Variants in PUDP observed in about 807,000 individuals in gnomAD.
PUDP encodes the protein pseudouridine-5'-phosphatase.
PUDP carries 8 observed loss-of-function variants against 9.4 expected under a neutral mutation model. The observed-to-expected ratio is 0.85, with a 90% CI of 0.50 to 1.53. PUDP has a LOEUF of 1.53. Ranked by LOEUF, PUDP falls within the 40% of genes most tolerant of loss-of-function variation. The pLI, the probability that PUDP is intolerant of heterozygous loss-of-function variation, is 0.00. For missense variants in PUDP, 188 were observed against 189.7 expected (o/e 0.99, Z 0.05); for synonymous variants, 99 against 80.7 (o/e 1.23, Z -1.22).
chrX:6,858,907 C>T (rs1926955476), intron 3 of PUDP, among the ~76,000 whole-genome samples: 1 of 111,755 alleles, frequency 8.9e-6, no homozygotes, highest in African/African-American at 3.2e-5. Flanking sequence ...CAGAATAATA[C>T]CTGATATGAC....
chrX:7,124,494 A>C (rs1166001484), intron 1 of PUDP, among the ~76,000 whole-genome samples: 1 of 111,202 alleles, frequency 9.0e-6, no homozygotes, highest in Non-Finnish European at 1.9e-5. Flanking sequence ...GGTGGCCTCT[A>C]ATAGCTGGAA....
At chrX:7,120,414 C>T (rs1932310548) in intron 1 of PUDP, among the ~76,000 whole-genome samples, 1 of 110,814 alleles carries the variant, frequency 9.0e-6, no homozygotes, top group Non-Finnish European at 1.9e-5. Flanking sequence ...AAGGAAACAG[C>T]CAATACCCCA....
chrX:6,882,172 C>T (rs1927356513), intron 3 of PUDP, among the ~76,000 whole-genome samples: 1 of 110,289 alleles, frequency 9.1e-6, no homozygotes, highest in African/African-American at 3.3e-5. Flanking sequence ...TGGGGAATCT[C>T]ACCACTCCTG....
At chrX:7,127,765 T>C (rs1932520718) in intron 1 of PUDP, among the ~76,000 whole-genome samples, 1 of 112,600 alleles carries the variant, frequency 8.9e-6, no homozygotes, top group African/African-American at 3.2e-5. Flanking sequence ...CATACCTGAA[T>C]TATTTACATT....
intron 3 of PUDP, among the ~76,000 whole-genome samples, chrX:6,853,824 C>A (rs182724510): frequency 9.0e-6 from 1 of 111,139 alleles, no homozygotes; most frequent in South Asian, 3.9e-4. Flanking sequence ...AGTGCAATGG[C>A]GCAGTCTTGG....
chrX:6,779,305 C>CCTG (rs779876840), intron 3 of PUDP, among the ~76,000 whole-genome samples: 85 of 111,760 alleles, frequency 7.6e-4, no homozygotes, highest in African/African-American at 2.7e-3. Context: ...CAAAAGAAGA[C>CCTG]CTGTGCTGTG....
Position 6,708,529 on chromosome X carries a change from C to T in PUDP, n.129-2063G>A, listed in dbSNP as rs187360356. Reference sequence around the variant, plus strand: ...GCATACAAAATTAGCTGCATTTTGACATTAGCCTGTATGCTAATACCGCTC... The same window carrying T: ...GCATACAAAATTAGCTGCATTTTGATATTAGCCTGTATGCTAATACCGCTC... On this transcript the variant is annotated intron_variant and non_coding_transcript_variant, in intron 1 of 2. Transcript: ENST00000438499. Among the ~76,000 whole-genome samples the T allele has an allele frequency of 3.9e-3, 436 of 112,357 alleles. 3 individuals carry two copies. The highest frequency in any genetic ancestry group is 0.013 in the African/African-American group (412 of 30,996).
chrX:6,987,493 C>G (rs950720445), intron 1 of PUDP, among the ~76,000 whole-genome samples: 5 of 111,987 alleles, frequency 4.5e-5, no homozygotes, highest in Non-Finnish European at 9.4e-5. Flanking sequence ...TAATACCTAC[C>G]TTGCAGGGTT....
At chrX:7,120,365 G>A (rs762357826) in intron 1 of PUDP, among the ~76,000 whole-genome samples, 3 of 111,057 alleles carry the variant, frequency 2.7e-5, no homozygotes, top group Non-Finnish European at 5.7e-5. Flanking sequence ...GCGGTAGTCA[G>A]AGCCCAGGAA....
chrX:7,057,664 G>C, intron 3 of PUDP: 1 of 1,146,175 alleles, frequency 8.7e-7, no homozygotes, highest in East Asian at 3.3e-5. Flanking sequence ...CAAGTAGAAG[G>C]CTCGGGGTCT....
At chrX:6,719,648 C>G in intron 1 of PUDP, among the ~76,000 whole-genome samples, 1 of 112,074 alleles carries the variant, frequency 8.9e-6, no homozygotes, top group East Asian at 2.8e-4. Flanking sequence ...CCTAGAACAT[C>G]TCACTGCCCT....
intron 3 of PUDP, among the ~76,000 whole-genome samples, chrX:6,864,228 T>G (rs892989776): frequency 8.9e-6 from 1 of 112,304 alleles, no homozygotes; most frequent in Non-Finnish European, 1.9e-5. Flanking sequence ...CTACTCGTAA[T>G]GTAATAACAG....
intron 3 of PUDP, among the ~76,000 whole-genome samples, chrX:6,732,352 C>T (rs997833515): frequency 9.9e-5 from 11 of 111,268 alleles, no homozygotes; most frequent in Admixed American, 2.9e-4. Context: ...CCTTTATCAA[C>T]CACAGGAAAA....
chrX:7,003,846 A>AT (rs1929363378), intron 1 of PUDP, among the ~76,000 whole-genome samples: 1 of 111,162 alleles, frequency 9.0e-6, no homozygotes, highest in African/African-American at 3.3e-5. Flanking sequence ...TACTGGTGAC[A>AT]TTTTTTTAAT....
At chrX:7,024,933 A>G (rs966666746) in intron 1 of PUDP, among the ~76,000 whole-genome samples, 1 of 109,248 alleles carries the variant, frequency 9.2e-6, no homozygotes, top group African/African-American at 3.3e-5. Flanking sequence ...GTGCATGATT[A>G]AATAGATCAC....
At chrX:6,962,293 G>A (rs936406740) in intron 3 of PUDP, among the ~76,000 whole-genome samples, 1 of 111,894 alleles carries the variant, frequency 8.9e-6, no homozygotes, top group African/African-American at 3.2e-5. Context: ...TAATTTCATC[G>A]AATTTGTTTG....
intron 3 of PUDP, among the ~76,000 whole-genome samples, chrX:6,760,099 A>C (rs1222656761): frequency 1.8e-5 from 2 of 112,113 alleles, no homozygotes; most frequent in Non-Finnish European, 3.8e-5. Context: ...CTGCAAGGCA[A>C]TGCCATCTTT....
chrX:6,812,408 T>C (rs1410121690), intron 3 of PUDP, among the ~76,000 whole-genome samples: 2 of 112,267 alleles, frequency 1.8e-5, no homozygotes, highest in Non-Finnish European at 3.8e-5. Flanking sequence ...ATTGCACTTT[T>C]CCATTGTTAT....
chrX:6,940,735 T>C (rs920109609), intron 3 of PUDP, among the ~76,000 whole-genome samples: 1 of 111,442 alleles, frequency 9.0e-6, no homozygotes, highest in Non-Finnish European at 1.9e-5. Context: ...CTAAGGACCA[T>C]TGTTTACAAA....
Sources: gnomAD v4.1 joint callset for allele counts (sites outside exome capture counted in the v4.1 genomes callset) on GRCh38, gnomAD v4.1.1 for gene constraint, MANE v1.5 for transcripts, NCBI Gene and HGNC (gene_info 2026-07-23, HGNC 2026-07-21) for gene names.